The following MAPK10 variants were observed in gnomAD, a reference collection of about 807,000 sequenced individuals.
MAPK10 encodes mitogen-activated protein kinase 10.
MAPK10 carries 25 observed loss-of-function variants against 59.3 expected under a neutral mutation model. That is an observed-to-expected ratio of 0.42 (90% CI 0.31 to 0.59). MAPK10 has a LOEUF of 0.59. MAPK10 is among the 20% of genes least tolerant of loss of function. MAPK10 has a pLI of 0.15. For synonymous variants in MAPK10, 190 were observed against 200.5 expected, an observed-to-expected ratio of 0.95 and a Z score of 0.44; for missense variants, 351 against 568.9, an observed-to-expected ratio of 0.62 and a Z score of 3.90.
intron 2 of MAPK10, among the ~76,000 whole-genome samples, chr4:86,253,635 C>CT (rs2093569236): frequency 3.8e-5 from 1 of 26,132 alleles, no homozygotes; most frequent in Non-Finnish European, 6.1e-5. Flanking sequence ...CTAAAATTCT[C>CT]TTTTTTGGTT....
Position 86,016,998 on chromosome 4 carries a change from C to A in MAPK10, c.*230G>T. ...TGTAGTAAGCATCATTGGAAGAAGA[C>A]CAAAGCAAGAGCAACTAGAAGTTAA... On this transcript the variant is annotated 3_prime_UTR_variant, in exon 14 of 14. Coordinates refer to ENST00000641462, the MANE Select transcript of MAPK10 (RefSeq NM_138982.4). The A allele has an allele frequency of 2.4e-6, 1 of 425,396 alleles. No individual in the cohort carries two copies. Among genetic ancestry groups the A allele is most frequent in the South Asian group, 3.5e-5 (1 of 28,606 alleles). 26.4% of individuals were successfully genotyped at this position (425,396 alleles called of 1,614,324 possible).
At chr4:86,135,533 C>G (rs1346955697) in intron 4 of MAPK10, among the ~76,000 whole-genome samples, 1 of 152,194 alleles carries the variant, frequency 6.6e-6, no homozygotes, top group East Asian at 1.9e-4. Flanking sequence ...AAAAACCCAT[C>G]TGTACATCAC....
chr4:86,057,159 G>A (rs778541417), intron 11 of MAPK10, among the ~76,000 whole-genome samples: 7 of 148,808 alleles, frequency 4.7e-5, no homozygotes, highest in Non-Finnish European at 1.0e-4. Context: ...TGTTGGCCAG[G>A]CCCAAACTCC....
chr4:86,238,621 G>A (rs140253143), intron 2 of MAPK10, among the ~76,000 whole-genome samples: 4,535 of 152,212 alleles, frequency 0.03, 94 homozygotes, highest in South Asian at 0.042. Flanking sequence ...GTGAATGGGA[G>A]TTCATTCATG....
intron 4 of MAPK10, chr4:86,151,913 T>C (rs1448417388): frequency 1.3e-5 from 2 of 152,248 alleles, no homozygotes; most frequent in Non-Finnish European, 1.5e-5. Flanking sequence ...TTGCAACTTA[T>C]ATTTTTGCTA....
intron 8 of MAPK10, chr4:86,100,187 T>C (rs1210258719): frequency 6.6e-6 from 1 of 152,188 alleles, no homozygotes; most frequent in African/African-American, 2.4e-5. Flanking sequence ...ATACACTGAA[T>C]ACATATACAA....
At chr4:86,080,740 A>G (rs2050470466) in intron 9 of MAPK10, 1 of 152,000 alleles carries the variant, frequency 6.6e-6, no homozygotes, top group Non-Finnish European at 1.5e-5. Context: ...CTGAACATCG[A>G]TAGCATATTT....
chr4:86,156,146 CG>C (rs2067698929), intron 4 of MAPK10, among the ~76,000 whole-genome samples: 1 of 152,012 alleles, frequency 6.6e-6, no homozygotes, highest in Non-Finnish European at 1.5e-5. Flanking sequence ...ACCACAAATA[CG>C]GGTACGTATA....
chr4:86,321,180 T>C (rs1350872217), intron 2 of MAPK10, among the ~76,000 whole-genome samples: 1 of 152,084 alleles, frequency 6.6e-6, no homozygotes, highest in African/African-American at 2.4e-5. Context: ...AGTGTGGCGA[T>C]TCCTCAAGGA....
At chr4:86,372,564 G>GAAAGAAAGAAAGGAAGGA in intron 1 of MAPK10, among the ~76,000 whole-genome samples, 2 of 78,690 alleles carry the variant, frequency 2.5e-5, no homozygotes, top group Admixed American at 2.7e-4. Context: ...AAGAAAGAAA[G>GAAAGAAAGAAAGGAAGGA]AAAGAAAAGA....
chr4:86,068,904 TCCTC>T (rs2047237857), intron 9 of MAPK10, among the ~76,000 whole-genome samples: 1 of 152,170 alleles, frequency 6.6e-6, no homozygotes, highest in Admixed American at 6.5e-5. Flanking sequence ...TAAACAGATT[TCCTC>T]GCCATGTGCC....
In MAPK10 at chr4:86,107,315, T is replaced by C; in HGVS notation, c.274A>G (p.Ile92Val). 2 of 1,613,320 alleles carry C rather than the reference T, an allele frequency of 1.2e-6. No individual in the cohort carries two copies. Among genetic ancestry groups the C allele is most frequent in the Non-Finnish European group, 1.7e-6 (2 of 1,179,486 alleles). Reference protein sequence around the residue: ...YDAVLDRNVAIKKLSRPFQNQ... With the variant: ...YDAVLDRNVAVKKLSRPFQNQ... ...TGAAAGGGTCTGCTGAGCTTCTTAA[T>C]GGCCACATTTCTGTCAAGGACAGCA... is the stretch of plus-strand genomic sequence containing the variant. The change falls in exon 5 of 14, where the codon ATT (isoleucine) becomes GTT (valine). Residue 92 changes from isoleucine to valine, a missense_variant. Around this residue, in one of 5 missense-constraint regions of MAPK10, gnomAD observed 51 missense variants for 72.7 expected, o/e 0.70. Transcript: ENST00000641462.
intron 11 of MAPK10, among the ~76,000 whole-genome samples, chr4:86,061,365 A>G (rs1362945367): frequency 6.6e-6 from 1 of 152,160 alleles, no homozygotes; most frequent in East Asian, 1.9e-4. Context: ...CTTTGAAATC[A>G]CACTTTGTTA....
intron 1 of MAPK10, among the ~76,000 whole-genome samples, chr4:86,470,061 C>T (rs1352277244): frequency 6.6e-6 from 1 of 152,224 alleles, no homozygotes; most frequent in African/African-American, 2.4e-5. Flanking sequence ...AAAGTAAACA[C>T]TGCTTTGCAG....
At chr4:86,237,317 T>C (rs1045129336) in intron 2 of MAPK10, among the ~76,000 whole-genome samples, 16 of 152,190 alleles carry the variant, frequency 1.1e-4, no homozygotes, top group Non-Finnish European at 1.6e-4. Flanking sequence ...AATAAACATA[T>C]GTGTGCATGT....
At chr4:86,477,515 G>A (rs1007487309) in intron 1 of MAPK10, among the ~76,000 whole-genome samples, 7 of 151,900 alleles carry the variant, frequency 4.6e-5, no homozygotes, top group Admixed American at 2.6e-4. Flanking sequence ...CTTGGTGACC[G>A]ATCATGTACC....
chr4:86,046,104 TTGTC>T (rs1360323005), intron 11 of MAPK10, among the ~76,000 whole-genome samples: 1 of 150,788 alleles, frequency 6.6e-6, no homozygotes, highest in African/African-American at 2.4e-5. Flanking sequence ...TGCTCTCTAT[TTGTC>T]TGTTATTCGT....
chr4:86,104,144 CAT>C (rs1460354941), intron 5 of MAPK10, among the ~76,000 whole-genome samples: 7 of 151,994 alleles, frequency 4.6e-5, no homozygotes, highest in African/African-American at 1.2e-4. Context: ...GATATAAAGA[CAT>C]GTGGAGTAAT....
intron 1 of MAPK10, among the ~76,000 whole-genome samples, chr4:86,424,563 G>C (rs1312900894): frequency 6.6e-6 from 1 of 152,088 alleles, no homozygotes; most frequent in Non-Finnish European, 1.5e-5. Flanking sequence ...TGCCTAGTCT[G>C]TTTGTGAAGG....
Sources: gnomAD v4.1 joint callset for allele counts (sites outside exome capture counted in the v4.1 genomes callset) on GRCh38, gnomAD v4.1.1 for gene constraint, gnomAD v4.1.1 regional missense constraint, MANE v1.5 for transcripts, NCBI Gene and HGNC (gene_info 2026-07-23, HGNC 2026-07-21) for gene names.